NEIL3: variants seen among roughly 807,000 people sequenced by gnomAD.
The protein encoded by NEIL3 is nei like DNA glycosylase 3, also known as endonuclease 8-like 3.
NEIL3 carries 48 observed loss-of-function variants against 57.5 expected under a neutral mutation model. The observed-to-expected ratio is 0.83, with a 90% CI of 0.66 to 1.06. NEIL3 has a LOEUF of 1.06. Ranked by LOEUF, NEIL3 falls within the 50% of genes least tolerant of loss-of-function variation. The pLI is 0.00. For synonymous variants in NEIL3, 261 were observed against 253.2 expected (o/e 1.03, Z -0.29); for missense variants, 717 against 739.1 (o/e 0.97, Z 0.35).
intron 5 of NEIL3, 23 bp downstream of exon 5, chr4:177,339,880 GTGTA>G: frequency 6.6e-7 from 1 of 1,519,912 alleles, no homozygotes; most frequent in South Asian, 1.1e-5. Context: ...TTTTTCAACT[GTGTA>G]AAATGTAAAA....
At chr4:177,334,741 A>G (rs981404537) in intron 2 of NEIL3, among the ~76,000 whole-genome samples, 1 of 152,206 alleles carries the variant, frequency 6.6e-6, no homozygotes, top group Non-Finnish European at 1.5e-5. Flanking sequence ...GTACAATACT[A>G]TAACATGGTG....
intron 6 of NEIL3, among the ~76,000 whole-genome samples, chr4:177,345,322 G>A (rs576919466): frequency 2.6e-5 from 4 of 152,240 alleles, no homozygotes; most frequent in South Asian, 2.1e-4. Flanking sequence ...AAGTATACAG[G>A]GAGAACATTT....
At chr4:177,370,267 A>G in the NEIL3 span, among the ~76,000 whole-genome samples, 1 of 152,226 alleles carries the variant, frequency 6.6e-6, no homozygotes. Flanking sequence ...GATAGAAATC[A>G]GGTATCAGAA....
Position 177,362,382 on chromosome 4 carries a change from T to G in NEIL3, c.1729T>G (p.Phe577Val), listed in dbSNP as rs1424798995. 6.2e-7 allele frequency: 1 copy of G among 1,613,864 alleles called. No homozygotes were observed. The highest frequency in any genetic ancestry group is 8.5e-7 in the Non-Finnish European group (1 of 1,179,880). The change falls in exon 10 of 10, where the codon TTT becomes GTT. Residue 577 changes from phenylalanine to valine, a missense_variant. By Grantham distance (50) the Phe-to-Val change is conservative (BLOSUM62 -1). Coordinates refer to ENST00000264596, the MANE Select transcript of NEIL3 (RefSeq NM_018248.3). ...TGGACCTAACAATGGAAAGAATTTT[T>G]TTGTGTGTCCTCTTGGGAAGGAAAA... is the stretch of plus-strand genomic sequence containing the variant. ...KIGPNNGKNFFVCPLGKEKQC... is the reference protein window; with the variant it reads ...KIGPNNGKNFVVCPLGKEKQC...
At chr4:177,324,584 AT>A (rs1162540912) in intron 2 of NEIL3, among the ~76,000 whole-genome samples, 4 of 152,188 alleles carry the variant, frequency 2.6e-5, no homozygotes, top group Non-Finnish European at 4.4e-5. Context: ...ACTAAAAATT[AT>A]TTGATACACA....
intron 2 of NEIL3, among the ~76,000 whole-genome samples, chr4:177,323,042 T>C (rs1025514747): frequency 2.0e-5 from 3 of 152,204 alleles, no homozygotes; most frequent in South Asian, 2.1e-4. Flanking sequence ...GTAAAAACTT[T>C]CCAGAGAAAT....
rs1258986638 is a variant in NEIL3 at position 177,339,764 on chromosome 4, C to T, written c.628-19C>T. ...GAGCAAGTCATGAAACTAGGCTCTG[C>T]TGTTTTTTCCACTTCAAGGTTTGTC... On this transcript the variant is annotated intron_variant, in intron 4 of 9. Coordinates refer to ENST00000264596, the MANE Select transcript of NEIL3 (RefSeq NM_018248.3). The T allele has an allele frequency of 6.4e-7, 1 of 1,567,280 alleles. No individual in the cohort carries two copies. The highest frequency in any genetic ancestry group is 2.2e-5 in the East Asian group (1 of 44,582).
chr4:177,345,236 T>C lies in NEIL3; in HGVS notation c.869+3594T>C, dbSNP rs555207604. On this transcript the variant is annotated intron_variant, in intron 6 of 9. Transcript: ENST00000264596. ...TGAAAGAGGCAGTCTTTGAGCTTAG[T>C]ATAGAAAGAAATAGGAATTCATCAA... Among the ~76,000 whole-genome samples the C allele has an allele frequency of 2.6e-5, 4 of 152,308 alleles. No individual in the cohort carries two copies. The East Asian group carries it at 7.7e-4, about 29-fold the overall frequency.
At chr4:177,329,464 A>C (rs1331075361) in intron 2 of NEIL3, among the ~76,000 whole-genome samples, 1 of 152,222 alleles carries the variant, frequency 6.6e-6, no homozygotes, top group Admixed American at 6.5e-5. Context: ...AAATCAAAGT[A>C]GATTTCAGAT....
intron 8 of NEIL3, among the ~76,000 whole-genome samples, chr4:177,358,452 C>G (rs1735529977): frequency 6.6e-6 from 1 of 152,076 alleles, no homozygotes; most frequent in Admixed American, 6.6e-5. Flanking sequence ...GGATTAGAGG[C>G]ACCCGCCACC....
chr4:177,358,566 C>CA, intron 8 of NEIL3, among the ~76,000 whole-genome samples: 1 of 152,156 alleles, frequency 6.6e-6, no homozygotes, highest in East Asian at 1.9e-4. Flanking sequence ...CTCAGCCTCC[C>CA]AAAGTGCTGG....
Position 177,362,684 on chromosome 4 carries a change from G to A in NEIL3, c.*213G>A. 1 of 417,056 alleles carries A rather than the reference G, an allele frequency of 2.4e-6. No homozygotes were observed. The allele number at this position is 417,056 out of a possible 1,614,324, so 25.8% of individuals were successfully genotyped here. A position where few individuals can be genotyped will look rare whatever the true frequency, so the allele number is the denominator to read the frequency against. ...GATGAACGTTCTATGTATTTCATCG[G>A]ATATACAGCATATTCCATTTAGGAT... is the stretch of plus-strand genomic sequence containing the variant. On this transcript the variant is annotated 3_prime_UTR_variant, in exon 10 of 10. Transcript: ENST00000264596.
At chr4:177,351,638 T>G in intron 7 of NEIL3, 89 bp downstream of exon 7, 1 of 1,005,996 alleles carries the variant, frequency 9.9e-7, no homozygotes, top group Non-Finnish European at 1.5e-6. Flanking sequence ...CATCTTGATA[T>G]TCCATAACTA....
intron 2 of NEIL3, among the ~76,000 whole-genome samples, chr4:177,328,755 C>G (rs948954115): frequency 1.3e-5 from 2 of 152,064 alleles, no homozygotes; most frequent in Non-Finnish European, 2.9e-5. Flanking sequence ...GAATGGGAAA[C>G]TTGGAAGTAA....
intron 2 of NEIL3, among the ~76,000 whole-genome samples, chr4:177,331,708 G>GTA (rs1278544837): frequency 1.3e-5 from 2 of 152,010 alleles, no homozygotes; most frequent in Non-Finnish European, 2.9e-5. Flanking sequence ...CAGACACCAT[G>GTA]TATAGACATA....
At position 177,353,645 on chromosome 4, in the gene NEIL3, A is replaced by G; in HGVS notation, c.1377A>G (p.Leu459=). The change falls in exon 8 of 10, where the codon TTA becomes TTG. Residue 459 remains leucine, a synonymous_variant. Transcript: ENST00000264596. ...ISPTISSESK[L]FSPAHKKPKT... ...CTACAATCAGTTCAGAATCTAAATTATTTAGTCCAGCACATAAAAAACCGA... is the reference window on the plus strand; with the variant it reads ...CTACAATCAGTTCAGAATCTAAATTGTTTAGTCCAGCACATAAAAAACCGA... 1 of 1,613,892 alleles carries G rather than the reference A, an allele frequency of 6.2e-7. No individual in the cohort carries two copies. The highest frequency in any genetic ancestry group is 8.5e-7 in the Non-Finnish European group (1 of 1,179,780).
Position 177,353,737 on chromosome 4 carries a change from C to T in NEIL3, c.1460+9C>T. 6.3e-7 allele frequency: 1 copy of T among 1,579,618 alleles called. No individual in the cohort carries two copies. The highest frequency in any genetic ancestry group is 1.2e-5 in the South Asian group (1 of 85,888). ...CCTGGATATTCTAACAGGTATGATG[C>T]TTTTAACCTTGGTCTTTAAGATAAT... On this transcript the variant is annotated intron_variant, in intron 8 of 9. Coordinates refer to ENST00000264596, the MANE Select transcript of NEIL3 (RefSeq NM_018248.3).
intron 9 of NEIL3, among the ~76,000 whole-genome samples, chr4:177,361,708 C>T (rs188206188): frequency 3.3e-5 from 5 of 152,094 alleles, no homozygotes; most frequent in East Asian, 1.9e-4. Flanking sequence ...ATTCAGTCTG[C>T]GTAAGTATTT....
chr4:177,348,975 C>A (rs1017816795), intron 6 of NEIL3, among the ~76,000 whole-genome samples: 5 of 145,894 alleles, frequency 3.4e-5, no homozygotes, highest in Non-Finnish European at 6.0e-5. Flanking sequence ...TCACGCCATT[C>A]TCCTGCCTCA....
Sources: allele counts gnomAD v4.1 joint callset (sites outside exome capture counted in the v4.1 genomes callset), GRCh38; gene constraint gnomAD v4.1.1; transcripts MANE v1.5; gene names NCBI Gene and HGNC (gene_info 2026-07-23, HGNC 2026-07-21).